CSMD3: variants seen among roughly 807,000 people sequenced by gnomAD.
The protein encoded by CSMD3 is CUB and Sushi multiple domains 3, also known as CUB and sushi domain-containing protein 3.
A neutral mutation model predicts 435.2 loss-of-function variants in CSMD3; 177 were observed. The observed-to-expected ratio is 0.41, with a 90% CI of 0.36 to 0.46. The LOEUF (loss-of-function observed/expected upper bound fraction) is 0.46. Among genes scored for constraint, CSMD3 ranks in the 20% least tolerant of loss-of-function variants. CSMD3 has a pLI of 0.34. For synonymous variants in CSMD3, 1,656 were observed against 1,520.5 expected (o/e 1.09, Z -2.07); for missense variants, 4,265 against 4,504.6 (o/e 0.95, Z 1.52).
In CSMD3 at chr8:112,681,063, T is replaced by C. The variant is rs189694635; in HGVS notation, c.2677+1379A>G. On this transcript the variant is annotated intron_variant, in intron 16 of 70. Transcript: ENST00000297405. ...TCTTTTTTTTTTTTTTAAGACAGAG[T>C]CTTGCTCTATCACCAGGCTGGAGTG... Among the ~76,000 whole-genome samples the C allele has an allele frequency of 8.2e-3, 1,230 of 150,396 alleles. 54 individuals carry two copies. Among genetic ancestry groups the C allele is most frequent in the Admixed American group, 0.069 (1,039 of 15,062 alleles).
intron 35 of CSMD3, among the ~76,000 whole-genome samples, chr8:112,404,270 C>A (rs1831577448): frequency 6.6e-6 from 1 of 152,078 alleles, no homozygotes; most frequent in African/African-American, 2.4e-5. Flanking sequence ...TGGCTCGCAC[C>A]TATAATCCCA....
intron 2 of CSMD3, among the ~76,000 whole-genome samples, chr8:113,302,345 A>G (rs1200498176): frequency 1.5e-5 from 2 of 134,712 alleles, no homozygotes; most frequent in Non-Finnish European, 3.2e-5. Context: ...AATAAAAAAT[A>G]TTAGGAAGAA....
chr8:112,801,813 AT>A (rs1170216283), intron 12 of CSMD3, among the ~76,000 whole-genome samples: 1 of 152,006 alleles, frequency 6.6e-6, no homozygotes, highest in African/African-American at 2.4e-5. Flanking sequence ...GAGAGCTTAT[AT>A]TTACATAGCA....
intron 38 of CSMD3, among the ~76,000 whole-genome samples, chr8:112,362,924 C>G (rs930879938): frequency 4.0e-5 from 6 of 151,826 alleles, no homozygotes. Flanking sequence ...GTGTTTTTCT[C>G]AAAAACACAT....
intron 56 of CSMD3, among the ~76,000 whole-genome samples, chr8:112,289,904 AAGG>A (rs947547206): frequency 1.3e-5 from 2 of 152,238 alleles, no homozygotes; most frequent in South Asian, 2.1e-4. Flanking sequence ...TGTGAAAGTT[AAGG>A]AGAAGATTAA....
chr8:113,055,842 C>G (rs2088309661), intron 5 of CSMD3, among the ~76,000 whole-genome samples: 1 of 152,202 alleles, frequency 6.6e-6, no homozygotes, highest in South Asian at 2.1e-4. Context: ...AGTTGAGGTA[C>G]TGTAAAAATT....
At chr8:112,230,285 T>A (rs1318698028) in intron 69 of CSMD3, among the ~76,000 whole-genome samples, 5 of 152,232 alleles carry the variant, frequency 3.3e-5, no homozygotes, top group Non-Finnish European at 1.5e-5. Flanking sequence ...TGAGTGTTTT[T>A]ACCTGTTTTT....
At chr8:113,236,594 T>A (rs768820270) in intron 3 of CSMD3, among the ~76,000 whole-genome samples, 2 of 152,026 alleles carry the variant, frequency 1.3e-5, no homozygotes, top group African/African-American at 4.8e-5. Flanking sequence ...GTCTCTTCAG[T>A]CTTTGGACTC....
chr8:112,420,126 A>G (rs1013379632), intron 32 of CSMD3, among the ~76,000 whole-genome samples: 4 of 152,180 alleles, frequency 2.6e-5, no homozygotes, highest in South Asian at 2.1e-4. Context: ...CCTATGGACT[A>G]TAAATTAAAT....
intron 4 of CSMD3, among the ~76,000 whole-genome samples, chr8:113,161,164 A>C (rs944034850): frequency 1.3e-5 from 2 of 152,146 alleles, no homozygotes; most frequent in African/African-American, 4.8e-5. Flanking sequence ...GATTTATCTA[A>C]GTCAGTGATG....
rs546845048 is a variant in CSMD3 at position 112,546,177 on chromosome 8, A to G, written c.4564+4494T>C. Reference sequence around the variant, plus strand: ...TATATAAATGAATAGTGAGGAGTGAAGCTGGCAGGTAGGTTGGGACATATT... The same window carrying G: ...TATATAAATGAATAGTGAGGAGTGAGGCTGGCAGGTAGGTTGGGACATATT... On this transcript the variant is annotated intron_variant, in intron 27 of 70. Transcript: ENST00000297405. Among the ~76,000 whole-genome samples, 539 of 152,308 alleles carry G rather than the reference A, an allele frequency of 3.5e-3. 1 individual carries two copies. Among genetic ancestry groups the G allele is most frequent in the African/African-American group, 0.012 (518 of 41,570 alleles).
chr8:112,655,303 T>C (rs1265337353), intron 18 of CSMD3, among the ~76,000 whole-genome samples: 2 of 152,054 alleles, frequency 1.3e-5, no homozygotes, highest in African/African-American at 2.4e-5. Context: ...GCATTTGAAA[T>C]AAAGACATAT....
intron 13 of CSMD3, among the ~76,000 whole-genome samples, chr8:112,755,495 G>C (rs1024601964): frequency 2.0e-5 from 3 of 151,404 alleles, no homozygotes; most frequent in Non-Finnish European, 4.4e-5. Flanking sequence ...TTTGAAGAAG[G>C]ACAAGTTTGC....
intron 32 of CSMD3, among the ~76,000 whole-genome samples, chr8:112,447,153 A>T (rs1024629759): frequency 2.0e-5 from 3 of 152,170 alleles, no homozygotes; most frequent in Non-Finnish European, 2.9e-5. Flanking sequence ...TAAGTCTAAC[A>T]AGATAAAAAT....
At chr8:113,402,511 G>A (rs2094514770) in intron 1 of CSMD3, among the ~76,000 whole-genome samples, 1 of 151,328 alleles carries the variant, frequency 6.6e-6, no homozygotes, top group Non-Finnish European at 1.5e-5. Context: ...AGTATGGCAA[G>A]TTAGGTGTTT....
At chr8:112,783,497 A>C in intron 13 of CSMD3, among the ~76,000 whole-genome samples, 1 of 69,856 alleles carries the variant, frequency 1.4e-5, no homozygotes, top group East Asian at 4.9e-4. Flanking sequence ...GAAGGGAGGG[A>C]GGGAGGGAGG....
At chr8:112,704,035 G>A (rs1156748204) in intron 13 of CSMD3, among the ~76,000 whole-genome samples, 2 of 152,030 alleles carry the variant, frequency 1.3e-5, no homozygotes, top group African/African-American at 4.8e-5. Flanking sequence ...TGGGACACGG[G>A]TTTCCATTTT....
intron 2 of CSMD3, among the ~76,000 whole-genome samples, chr8:113,289,952 CA>C (rs1392001204): frequency 6.6e-6 from 1 of 151,638 alleles, no homozygotes; most frequent in African/African-American, 2.4e-5. Context: ...TTTAGCAAAA[CA>C]TGAAATTTAC....
At chr8:112,382,026 C>T (rs955536547) in intron 37 of CSMD3, among the ~76,000 whole-genome samples, 2 of 152,004 alleles carry the variant, frequency 1.3e-5, no homozygotes, top group Admixed American at 1.3e-4. Context: ...ATTACAATCC[C>T]AGCTAATCAG....
Sources: gnomAD v4.1 joint callset for allele counts (sites outside exome capture counted in the v4.1 genomes callset) on GRCh38, gnomAD v4.1.1 for gene constraint, MANE v1.5 for transcripts, NCBI Gene and HGNC (gene_info 2026-07-23, HGNC 2026-07-21) for gene names.